Variants in MNT observed in about 807,000 individuals in gnomAD.
The protein encoded by MNT is max-binding protein MNT.
A neutral mutation model predicts 40.7 loss-of-function variants in MNT; 13 were observed. The observed-to-expected ratio is 0.32, with a 90% CI of 0.21 to 0.51. MNT has a LOEUF of 0.51. MNT is among the 20% of genes least tolerant of loss of function. MNT has a pLI of 0.98. For missense variants in MNT, 757 were observed against 792.0 expected, an observed-to-expected ratio of 0.96 and a Z score of 0.53; for synonymous variants, 426 against 354.8, an observed-to-expected ratio of 1.20 and a Z score of -2.26.
Position 2,386,689 on chromosome 17 carries a change from T to C in MNT, c.*212A>G, listed in dbSNP as rs2066464633. ...GGCACATTCCATCAGAGTCTCGCAT[T>C]TTCTCAGAGTCATCTTACCAAGTCC... On this transcript the variant is annotated 3_prime_UTR_variant, in exon 6 of 6. Coordinates refer to ENST00000174618, the MANE Select transcript of MNT (RefSeq NM_020310.3). 6.2e-6 allele frequency: 3 copies of C among 486,900 alleles called. No homozygotes were observed. In the Admixed American group the frequency reaches 1.1e-4, roughly 18 times the overall value. 30.2% of individuals were successfully genotyped at this position (486,900 alleles called of 1,614,324 possible).
intron 4 of MNT, chr17:2,392,640 G>C (rs3214067): frequency 6.6e-6 from 1 of 152,096 alleles, no homozygotes. Context: ...GGCCTGCCGC[G>C]GCCTCCGGAG....
chr17:2,387,726 G>A (rs1047943297), intron 5 of MNT, 77 bp from the exon 6 acceptor site: 2 of 1,578,440 alleles, frequency 1.3e-6, no homozygotes, highest in South Asian at 1.1e-5. Flanking sequence ...GCTCGTGGGG[G>A]CGTGGGAATG....
intron 4 of MNT, among the ~76,000 whole-genome samples, chr17:2,389,093 T>C (rs2066492156): frequency 6.6e-6 from 1 of 151,784 alleles, no homozygotes; most frequent in Non-Finnish European, 1.5e-5. Flanking sequence ...ACCCCCTAGA[T>C]CTTATCTGCC....
chr17:2,386,978 C>G lies in MNT; in HGVS notation c.1672G>C (p.Val558Leu). ...GAQVVHHPQLVGQTVLNPVTM... is the reference protein window; with the variant it reads ...GAQVVHHPQLLGQTVLNPVTM... ...ACAGGGTTGAGCACGGTCTGGCCCACCAGCTGGGGGTGGTGCACCACCTGA... is the reference window on the plus strand; with the variant it reads ...ACAGGGTTGAGCACGGTCTGGCCCAGCAGCTGGGGGTGGTGCACCACCTGA... Residue 558 changes from valine (V) to leucine (L), a missense_variant, in exon 6 of 6, where the codon GTG becomes CTG. Transcript: ENST00000174618. 2 of 1,523,758 alleles carry G rather than the reference C, an allele frequency of 1.3e-6. No homozygotes were observed. The highest frequency in any genetic ancestry group is 4.1e-5 in the Admixed American group (2 of 49,260). 94.4% of individuals were successfully genotyped at this position (1,523,758 alleles called of 1,614,324 possible).
In MNT at chr17:2,400,604, T is replaced by C. The variant is rs1253023798; in HGVS notation, c.73+36A>G. 4 of 1,560,678 alleles carry C rather than the reference T, an allele frequency of 2.6e-6. No homozygotes were observed. The Admixed American group carries it at 5.7e-5, about 22-fold the overall frequency. On this transcript the variant is annotated intron_variant, in intron 1 of 5. Transcript: ENST00000174618. ...GGGACCGGGGTCACTCGCTTCCCCT[T>C]CCCCAGTGCCCCAGGGGCCCAGCCC...
Position 2,394,303 on chromosome 17 carries a change from A to ACACACACACACACACC in MNT, c.695+1_695+2insGGTGTGTGTGTGTGTG. ...CACACACACACACACACACACACAC[A>ACACACACACACACACC]CCTGTTCTTCTCCAATTTGTTGTGG... On this transcript the variant is annotated splice_donor_variant, in intron 3 of 5. Coordinates refer to ENST00000174618, the MANE Select transcript of MNT (RefSeq NM_020310.3). LOFTEE classifies it high-confidence loss of function. 1 of 1,611,570 alleles carries ACACACACACACACACC rather than the reference A, an allele frequency of 6.2e-7. No individual in the cohort carries two copies. Among genetic ancestry groups the ACACACACACACACACC allele is most frequent in the East Asian group, 2.2e-5 (1 of 44,810 alleles).
intron 4 of MNT, chr17:2,392,859 C>G (rs1360062309): frequency 6.6e-6 from 1 of 152,170 alleles, no homozygotes; most frequent in South Asian, 2.1e-4. Flanking sequence ...CGCCCCCTGG[C>G]CGGGAGGGCG....
chr17:2,399,665 G>A (rs1002950418), intron 1 of MNT, among the ~76,000 whole-genome samples: 4 of 152,004 alleles, frequency 2.6e-5, no homozygotes, highest in African/African-American at 4.8e-5. Flanking sequence ...CCCCGCCCCC[G>A]GCCGAGCGCG....
At chr17:2,392,341 T>C (rs2447092) in intron 4 of MNT, among the ~76,000 whole-genome samples, 66,146 of 151,476 alleles carry the variant, frequency 0.44, 15,425 homozygotes, top group African/African-American at 0.6. Context: ...GAGTGAGGCC[T>C]ACCCCGGCTC....
At position 2,386,867 on chromosome 17, in the gene MNT, T is replaced by A. The variant is rs1435913465; in HGVS notation, c.*34A>T. On this transcript the variant is annotated 3_prime_UTR_variant, in exon 6 of 6. Coordinates refer to ENST00000174618, the MANE Select transcript of MNT (RefSeq NM_020310.3). ...AGAGTGGGGGACAGGTCCCCCTCCC[T>A]GTCCCCACTGGGGGCCTCTGAGTGG... The A allele has an allele frequency of 6.9e-7, 1 of 1,447,662 alleles. No individual in the cohort carries two copies. The highest frequency in any genetic ancestry group is 1.4e-5 in the African/African-American group (1 of 69,550). The allele number at this position is 1,447,662 out of a possible 1,614,324, so 89.7% of individuals were successfully genotyped here. A position where few individuals can be genotyped will look rare whatever the true frequency, so the allele number is the denominator to read the frequency against.
In MNT at chr17:2,387,064, A is replaced by C. The variant is rs763999886; in HGVS notation, c.1586T>G (p.Val529Gly). Reference protein sequence around the residue: ...HIAHTLSHQQVNGTAGLGPPA... With the variant: ...HIAHTLSHQQGNGTAGLGPPA... Reference sequence around the variant, plus strand: ...GGGCCCCAGGCCGGCCGTGCCGTTGACTTGCTGGTGCGAGAGGGTGTGGGC... The same window carrying C: ...GGGCCCCAGGCCGGCCGTGCCGTTGCCTTGCTGGTGCGAGAGGGTGTGGGC... Residue 529 changes from valine to glycine, a missense_variant, in exon 6 of 6, where the codon GTC becomes GGC. Physicochemically the swap from Val to Gly is moderately radical, Grantham distance 109. Around this residue, in one of 4 missense-constraint regions of MNT, gnomAD observed 345 missense variants for 380.1 expected, o/e 0.91. Coordinates refer to ENST00000174618, the MANE Select transcript of MNT (RefSeq NM_020310.3). 1.3e-6 allele frequency: 2 copies of C among 1,564,326 alleles called. No homozygotes were observed. The highest frequency in any genetic ancestry group is 1.7e-6 in the Non-Finnish European group (2 of 1,154,502).
Position 2,400,902 on chromosome 17 carries a change from G to A in MNT, c.-190C>T. ...AAAATCAATGTCTCTCAAAATATTT[G>A]CAAAATATAAAATTGCAAATTTAAA... On this transcript the variant is annotated 5_prime_UTR_variant, in exon 1 of 6. Transcript: ENST00000174618. The A allele has an allele frequency of 2.7e-6, 1 of 370,176 alleles. No individual in the cohort carries two copies. The highest frequency in any genetic ancestry group is 7.5e-5 in the South Asian group (1 of 13,258). 22.9% of individuals were successfully genotyped at this position (370,176 alleles called of 1,614,324 possible).
Position 2,400,962 on chromosome 17 carries a change from T to G in MNT, c.-250A>C. ...TGCAAAAAAAAAAAAAAGGCGGCAC[T>G]GCCTCCCTTCTTCCCCTCCCTCTCT... is the stretch of plus-strand genomic sequence containing the variant. On this transcript the variant is annotated 5_prime_UTR_variant, in exon 1 of 6. Coordinates refer to ENST00000174618, the MANE Select transcript of MNT (RefSeq NM_020310.3). 1 of 376,646 alleles carries G rather than the reference T, an allele frequency of 2.7e-6. No homozygotes were observed. The highest frequency in any genetic ancestry group is 4.7e-6 in the Non-Finnish European group (1 of 211,366). 23.3% of individuals were successfully genotyped at this position (376,646 alleles called of 1,614,324 possible).
chr17:2,389,485 G>C (rs1447240755), intron 4 of MNT: 1 of 152,178 alleles, frequency 6.6e-6, no homozygotes, highest in Admixed American at 6.6e-5. Flanking sequence ...ATGTTGGTCA[G>C]GCTGGTCTCG....
Position 2,394,939 on chromosome 17 carries a change from C to T in MNT, c.589G>A (p.Gly197Arg). The T allele has an allele frequency of 6.2e-7, 1 of 1,607,866 alleles. No individual in the cohort carries two copies. The highest frequency in any genetic ancestry group is 8.5e-7 in the Non-Finnish European group (1 of 1,177,516). The change falls in exon 2 of 6, where the codon GGG becomes AGG. Residue 197 changes from glycine to arginine, a missense_variant. Physicochemically the swap from Gly to Arg is moderately radical, Grantham distance 125 (BLOSUM62 -2). Transcript: ENST00000174618. ...APQQPPPPTLGTLKLAPAEEV... is the reference protein window; with the variant it reads ...APQQPPPPTLRTLKLAPAEEV... ...TCAGCTGGTGCCAACTTCAGGGTCC[C>T]CAGCGTGGGTGGGGGCGGCTGCTGG...
At chr17:2,393,184 C>T (rs907529144) in intron 4 of MNT, among the ~76,000 whole-genome samples, 2 of 149,514 alleles carry the variant, frequency 1.3e-5, no homozygotes, top group East Asian at 4.2e-4. Flanking sequence ...CCTCCATCCC[C>T]TACGGCTCCG....
chr17:2,387,085 T>G lies in MNT; in HGVS notation c.1565A>C (p.His522Pro). 6.4e-7 allele frequency: 1 copy of G among 1,572,258 alleles called. No individual in the cohort carries two copies. The highest frequency in any genetic ancestry group is 8.6e-7 in the Non-Finnish European group (1 of 1,159,148). The change falls in exon 6 of 6, where the codon CAC becomes CCC. Residue 522 changes from histidine to proline, a missense_variant. His to Pro is a moderately conservative substitution (Grantham distance 77). Transcript: ENST00000174618. The part of the protein sequence containing the change: ...PQPVAVSHIA[H>P]TLSHQQVNGT... ...GTTGACTTGCTGGTGCGAGAGGGTG[T>G]GGGCGATGTGGCTCACTGCCACGGG...
chr17:2,398,941 G>T (rs1367345483), intron 1 of MNT, among the ~76,000 whole-genome samples: 1 of 152,000 alleles, frequency 6.6e-6, no homozygotes, highest in East Asian at 1.9e-4. Context: ...ACCTTGAGAG[G>T]CCGGTCGCCC....
intron 1 of MNT, among the ~76,000 whole-genome samples, chr17:2,400,093 C>T (rs12602313): frequency 0.081 from 12,366 of 152,224 alleles, 689 homozygotes; most frequent in East Asian, 0.3. Context: ...GAGCGCCCCC[C>T]GCACCCTCCC....
Sources: allele counts gnomAD v4.1 joint callset (sites outside exome capture counted in the v4.1 genomes callset), GRCh38; gene constraint gnomAD v4.1.1; regional missense constraint gnomAD v4.1.1; transcripts MANE v1.5; gene names NCBI Gene and HGNC (gene_info 2026-07-23, HGNC 2026-07-21).